The following SPATA25 variants were observed in gnomAD, a reference collection of about 807,000 sequenced individuals.
SPATA25 encodes the protein spermatogenesis associated 25.
Under a neutral mutation model 16.0 loss-of-function variants are expected in SPATA25, and 16 were observed. The ratio of observed to expected loss-of-function variants is 1.00; its 90% CI spans 0.68 to 1.52. The LOEUF (loss-of-function observed/expected upper bound fraction) is 1.52, where lower values mean the gene tolerates loss of function less well. Ranked by LOEUF, SPATA25 falls within the 40% of genes most tolerant of loss-of-function variation. The pLI is 0.00. For synonymous variants in SPATA25, 115 were observed against 118.5 expected (o/e 0.97, Z 0.19); for missense variants, 285 against 289.2 (o/e 0.99, Z 0.11).
At position 45,886,697 on chromosome 20, in the gene SPATA25, G is replaced by A. The variant is rs759956617; in HGVS notation, c.504C>T (p.Pro168=). Residue 168 remains proline (P), a synonymous_variant, in exon 2 of 2, where the codon CCC becomes CCT. Transcript: ENST00000372519. ...AMMIAGIPTV[P]VPGVREEDLI... is the part of the protein sequence containing the mutation. ...GGTCCTCTTCCCGAACTCCTGGGAC[G>A]GGCACGGTGGGGATGCCAGCGATCA... The A allele has an allele frequency of 4.2e-5, 67 of 1,614,000 alleles. No individual in the cohort carries two copies. The Middle Eastern group carries it at 4.9e-4, about 12-fold the overall frequency.
At chr20:45,888,146 T>C (rs1467986455), upstream of SPATA25, among the ~76,000 whole-genome samples, 6 of 152,186 alleles carry the variant, frequency 3.9e-5, no homozygotes, top group African/African-American at 1.4e-4. Flanking sequence ...GCCTCCCGAG[T>C]AGCTGGGACT....
chr20:45,887,367 G>A (rs1025769995), intron 1 of SPATA25, among the ~76,000 whole-genome samples, 169 bp downstream of exon 1: 1 of 152,220 alleles, frequency 6.6e-6, no homozygotes, highest in Non-Finnish European at 1.5e-5. Flanking sequence ...GTGAGCAAGC[G>A]GGTAGTTATT....
chr20:45,888,569 G>A (rs1986571156), upstream of SPATA25: 1 of 597,774 alleles, frequency 1.7e-6, no homozygotes, highest in Non-Finnish European at 2.9e-6. Flanking sequence ...CCGACCTGCT[G>A]ACCTGCAGTG....
chr20:45,890,905 C>T, upstream of SPATA25: 1 of 1,555,680 alleles, frequency 6.4e-7, no homozygotes, highest in Non-Finnish European at 8.7e-7. Flanking sequence ...TGGCACCGTG[C>T]ACCCGATGGA....
chr20:45,890,803 GC>G (rs752295223), upstream of SPATA25: 3 of 1,595,430 alleles, frequency 1.9e-6, no homozygotes, highest in African/African-American at 4.0e-5. Flanking sequence ...GGAAGACCTG[GC>G]CCGGGGCCAG....
chr20:45,890,162 A>T, upstream of SPATA25: 10 of 1,449,876 alleles, frequency 6.9e-6, no homozygotes, highest in Non-Finnish European at 9.6e-6. Flanking sequence ...TGCCGGACAG[A>T]CGAAGGCCTA....
upstream of SPATA25, chr20:45,890,534 C>T (rs1432580159): frequency 6.2e-7 from 1 of 1,607,212 alleles, no homozygotes; most frequent in South Asian, 1.1e-5. Context: ...CCGGGGAATG[C>T]GAAACTGCTC....
At chr20:45,890,991 T>C (rs1986785597), upstream of SPATA25, 1 of 1,485,708 alleles carries the variant, frequency 6.7e-7, no homozygotes. Context: ...GCAGCAGCCA[T>C]CTCTCGGCCA....
chr20:45,890,943 C>G (rs1213955838), upstream of SPATA25: 1 of 1,521,906 alleles, frequency 6.6e-7, no homozygotes, highest in South Asian at 1.3e-5. Flanking sequence ...TCCGGGCGCT[C>G]GAGTCCCCAG....
chr20:45,887,114 G>A lies in SPATA25; in HGVS notation c.87C>T (p.Gly29=), dbSNP rs1986511983. The change falls in exon 2 of 2, where the codon GGC becomes GGT. Residue 29 remains glycine (G), a synonymous_variant. Coordinates refer to ENST00000372519, the MANE Select transcript of SPATA25 (RefSeq NM_080608.4). ...CCACTGGCTCTACAGGACTACAGAG[G>A]CCAAGGGACAAGCCTGGAGAAGCAG... ...GGAASPGLSL[G]LCSPVEPVVV... is the part of the protein sequence containing the mutation. 8.8e-6 allele frequency: 14 copies of A among 1,597,668 alleles called. No individual in the cohort carries two copies. The highest frequency in any genetic ancestry group is 1.2e-5 in the Non-Finnish European group (14 of 1,175,952).
upstream of SPATA25, chr20:45,890,831 C>T (rs1488529070): frequency 6.4e-7 from 1 of 1,569,846 alleles, no homozygotes; most frequent in African/African-American, 1.4e-5. Flanking sequence ...GCGGCTGAAG[C>T]ACACGCCGTG....
upstream of SPATA25, among the ~76,000 whole-genome samples, chr20:45,889,587 CT>C (rs1448346334): frequency 2.0e-5 from 3 of 148,622 alleles, no homozygotes; most frequent in Admixed American, 2.1e-4. Context: ...AGCTTGCTTG[CT>C]TGCTTGCTTT....
At chr20:45,890,463 C>T (rs772110184), upstream of SPATA25, 1 of 1,603,838 alleles carries the variant, frequency 6.2e-7, no homozygotes, top group South Asian at 1.1e-5. Flanking sequence ...ACGTTCAGCT[C>T]ATAGAGCTGG....
At chr20:45,890,771 T>G, upstream of SPATA25, 1 of 1,610,362 alleles carries the variant, frequency 6.2e-7, no homozygotes, top group Non-Finnish European at 8.5e-7. Context: ...CCAGCCCAGC[T>G]CTTTCTCCTC....
chr20:45,889,591 C>T (rs1227416227), upstream of SPATA25, among the ~76,000 whole-genome samples: 1 of 146,904 alleles, frequency 6.8e-6, no homozygotes, highest in African/African-American at 2.5e-5. Flanking sequence ...TGCTTGCTTG[C>T]TTGCTTTCTC....
chr20:45,890,415 G>A (rs1385273201), upstream of SPATA25: 2 of 1,611,842 alleles, frequency 1.2e-6, no homozygotes, highest in African/African-American at 2.7e-5. Context: ...GGGCAAAAGA[G>A]GACACCCAGG....
chr20:45,888,975 G>T, upstream of SPATA25: 1 of 1,388,302 alleles, frequency 7.2e-7, no homozygotes, highest in Non-Finnish European at 9.9e-7. Context: ...CATTAAATGT[G>T]GGCAAGTCCT....
At chr20:45,890,184 AC>A, upstream of SPATA25, 2 of 1,579,528 alleles carry the variant, frequency 1.3e-6, no homozygotes, top group Non-Finnish European at 1.7e-6. Context: ...CACATGGGCT[AC>A]GGAGCCCTAG....
upstream of SPATA25, chr20:45,890,602 C>T (rs1986738860): frequency 6.2e-7 from 1 of 1,612,544 alleles, no homozygotes; most frequent in Non-Finnish European, 8.5e-7. Context: ...CCGCTGCCTC[C>T]GCCTCCGGGC....
Sources: gnomAD v4.1 joint callset for allele counts (sites outside exome capture counted in the v4.1 genomes callset) on GRCh38, gnomAD v4.1.1 for gene constraint, MANE v1.5 for transcripts, NCBI Gene and HGNC (gene_info 2026-07-23, HGNC 2026-07-21) for gene names.